The following PRKG1 variants were observed in gnomAD, a reference collection of about 807,000 sequenced individuals.
The protein encoded by PRKG1 is protein kinase cGMP-dependent 1.
Under a neutral mutation model 88.1 loss-of-function variants are expected in PRKG1, and 35 were observed. The ratio of observed to expected loss-of-function variants is 0.40; its 90% confidence interval spans 0.30 to 0.53. The LOEUF is 0.53. PRKG1 is among the 20% of genes least tolerant of loss of function. The pLI is 0.59. For missense variants in PRKG1, 540 were observed against 839.8 expected, an observed-to-expected ratio of 0.64 and a Z score of 4.41; for synonymous variants, 303 against 292.5, an observed-to-expected ratio of 1.04 and a Z score of -0.37.
chr10:51,279,265 T>A (rs929945246), intron 2 of PRKG1, among the ~76,000 whole-genome samples: 11 of 152,218 alleles, frequency 7.2e-5, no homozygotes, highest in Admixed American at 5.2e-4. Flanking sequence ...TTGAGAGGTT[T>A]TGAGTGAGTT....
At chr10:52,008,370 C>A (rs773860181) in intron 5 of PRKG1, among the ~76,000 whole-genome samples, 1 of 151,742 alleles carries the variant, frequency 6.6e-6, no homozygotes, top group African/African-American at 2.4e-5. Context: ...ATAAGATAGA[C>A]GACTAGTTAG....
chr10:51,551,843 C>T (rs1837146979), intron 3 of PRKG1, among the ~76,000 whole-genome samples: 1 of 151,694 alleles, frequency 6.6e-6, no homozygotes, highest in South Asian at 2.1e-4. Context: ...AGAAGACTAA[C>T]CATAGTAAAA....
chr10:51,288,003 A>G (rs1039649521), intron 2 of PRKG1, among the ~76,000 whole-genome samples: 2 of 152,148 alleles, frequency 1.3e-5, no homozygotes, highest in Non-Finnish European at 2.9e-5. Flanking sequence ...TTTTGTACCC[A>G]CAGATAATTA....
intron 7 of PRKG1, among the ~76,000 whole-genome samples, chr10:52,123,213 C>T (rs1247483480): frequency 6.6e-6 from 1 of 152,112 alleles, no homozygotes; most frequent in Non-Finnish European, 1.5e-5. Flanking sequence ...TTGAATTCTT[C>T]CAACTTCTTC....
chr10:51,968,834 A>G (rs1449191849), intron 5 of PRKG1, among the ~76,000 whole-genome samples: 2 of 151,232 alleles, frequency 1.3e-5, no homozygotes, highest in Admixed American at 6.6e-5. Context: ...AAAAAAAAAA[A>G]AAAGAAAAAA....
chr10:51,786,573 C>G (rs1838735249), intron 3 of PRKG1, among the ~76,000 whole-genome samples: 1 of 152,130 alleles, frequency 6.6e-6, no homozygotes, highest in Non-Finnish European at 1.5e-5. Flanking sequence ...TCCCCACACA[C>G]TCTGAATACG....
At chr10:51,253,660 G>A (rs1839481720) in intron 2 of PRKG1, among the ~76,000 whole-genome samples, 1 of 151,876 alleles carries the variant, frequency 6.6e-6, no homozygotes, top group Non-Finnish European at 1.5e-5. Flanking sequence ...CTGCTGTATT[G>A]TACTTCATGT....
intron 3 of PRKG1, among the ~76,000 whole-genome samples, chr10:51,567,501 C>T (rs1837637417): frequency 6.6e-6 from 1 of 152,116 alleles, no homozygotes; most frequent in African/African-American, 2.4e-5. Context: ...TGGCAAAGTA[C>T]ATCCTTCTAC....
rs556189392 is a variant in PRKG1 at position 51,677,936 on chromosome 10, G to GT, written c.593-126642dup. Reference sequence around the variant, plus strand: ...ATGGTCAACCTCTTGGATATGAGAGGTTTTTTTATTATTTGCAGCATAGGG... The same window carrying GT: ...ATGGTCAACCTCTTGGATATGAGAGGTTTTTTTTATTATTTGCAGCATAGGG... On this transcript the variant is annotated intron_variant, in intron 3 of 17. Transcript: ENST00000373980. Among the ~76,000 whole-genome samples, 392 of 152,202 alleles carry GT rather than the reference G, an allele frequency of 2.6e-3. 4 individuals carry two copies. Among genetic ancestry groups the GT allele is most frequent in the African/African-American group, 8.8e-3 (365 of 41,526 alleles).
intron 9 of PRKG1, among the ~76,000 whole-genome samples, chr10:52,243,589 T>G (rs1325593099): frequency 1.3e-5 from 2 of 152,180 alleles, no homozygotes; most frequent in Non-Finnish European, 2.9e-5. Flanking sequence ...GGAATAAGCA[T>G]AAATATGCTA....
chr10:51,728,344 T>C (rs181991936), intron 3 of PRKG1, among the ~76,000 whole-genome samples: 4 of 152,034 alleles, frequency 2.6e-5, no homozygotes, highest in African/African-American at 4.8e-5. Flanking sequence ...TATAAATCTA[T>C]GGAAAATGCT....
chr10:51,555,882 G>A (rs1169872543), intron 3 of PRKG1, among the ~76,000 whole-genome samples: 2 of 151,892 alleles, frequency 1.3e-5, no homozygotes, highest in Non-Finnish European at 2.9e-5. Flanking sequence ...TACATCTGAA[G>A]TTACCAGATT....
intron 5 of PRKG1, among the ~76,000 whole-genome samples, chr10:52,012,248 T>C (rs917264482): frequency 6.4e-5 from 5 of 77,634 alleles, no homozygotes; most frequent in African/African-American, 2.2e-4. Flanking sequence ...TATTTGCCTT[T>C]TTTTTTTTTT....
chr10:52,235,887 C>G lies in PRKG1; in HGVS notation c.1077-15683C>G, dbSNP rs199732976. ...CATTTTTTTCAGCACCACACCACAC[C>G]TATTCCAAAATTGACCACATAGTTG... On this transcript the variant is annotated intron_variant, in intron 9 of 17. Transcript: ENST00000373980. 0.019 allele frequency among the ~76,000 whole-genome samples: 1,851 copies of G among 99,148 alleles called. 126 individuals are homozygous for G. The East Asian group carries it at 0.27, about 14-fold the overall frequency. 65.0% of individuals were successfully genotyped at this position (99,148 alleles called of 152,430 possible). A position where few individuals can be genotyped will look rare whatever the true frequency, so the allele number is the denominator to read the frequency against.
chr10:51,804,915 G>A (rs1839266453), intron 4 of PRKG1, among the ~76,000 whole-genome samples: 1 of 152,062 alleles, frequency 6.6e-6, no homozygotes, highest in South Asian at 2.1e-4. Context: ...TCTGGTGCCA[G>A]TTTCCATGAC....
At chr10:51,915,173 G>GT (rs1269641698) in intron 5 of PRKG1, among the ~76,000 whole-genome samples, 5 of 152,168 alleles carry the variant, frequency 3.3e-5, no homozygotes, top group African/African-American at 1.2e-4. Context: ...CCAACTGTGA[G>GT]TAACAGAGAA....
chr10:51,074,708 C>T lies in PRKG1; in HGVS notation c.118C>T (p.Gln40Ter). 1 of 1,613,910 alleles carries T rather than the reference C, an allele frequency of 6.2e-7. No individual in the cohort carries two copies. The highest frequency in any genetic ancestry group is 8.5e-7 in the Non-Finnish European group (1 of 1,179,912). Reference sequence around the variant, plus strand: ...GTTGGATCAGAAGGACGAACTGATCCAGAAGCTGCAGAACGAGCTGGACAA... The same window carrying T: ...GTTGGATCAGAAGGACGAACTGATCTAGAAGCTGCAGAACGAGCTGGACAA... ...LELDQKDELI[Q>*]KLQNELDKYR... Residue 40 changes from glutamine (Q) to a stop codon, truncating the protein, a stop_gained, in exon 1 of 18, where the codon CAG becomes TAG. Transcript: ENST00000373980. LOFTEE classifies it high-confidence loss of function.
At chr10:51,818,931 C>G (rs1433343036) in intron 4 of PRKG1, among the ~76,000 whole-genome samples, 1 of 111,624 alleles carries the variant, frequency 9.0e-6, no homozygotes, top group South Asian at 3.0e-4. Flanking sequence ...GGCGTGAACC[C>G]GGGAGGCGGA....
At chr10:52,239,345 T>A (rs1223289789) in intron 9 of PRKG1, among the ~76,000 whole-genome samples, 4 of 139,690 alleles carry the variant, frequency 2.9e-5, no homozygotes, top group Admixed American at 2.2e-4. Flanking sequence ...TAAATAAAAT[T>A]AAAAAAAAAA....
Sources: gnomAD v4.1 joint callset for allele counts (sites outside exome capture counted in the v4.1 genomes callset) on GRCh38, gnomAD v4.1.1 for gene constraint, MANE v1.5 for transcripts, NCBI Gene and HGNC (gene_info 2026-07-23, HGNC 2026-07-21) for gene names.